The following KCNH1 variants were observed in gnomAD, a reference collection of about 807,000 sequenced individuals.
KCNH1 encodes voltage-gated delayed rectifier potassium channel KCNH1.
A neutral mutation model predicts 69.2 loss-of-function variants in KCNH1; 27 were observed. That is an observed-to-expected ratio of 0.39 (90% CI 0.29 to 0.54). The LOEUF (loss-of-function observed/expected upper bound fraction) is 0.54. Ranked by LOEUF, KCNH1 falls within the 20% of genes least tolerant of loss-of-function variation. KCNH1 has a pLI of 0.68. For synonymous variants in KCNH1, 456 were observed against 487.7 expected, an observed-to-expected ratio of 0.93 and a Z score of 0.86; for missense variants, 798 against 1,261.6, an observed-to-expected ratio of 0.63 and a Z score of 5.57.
chr1:211,067,733 T>C (rs894778860), intron 5 of KCNH1, among the ~76,000 whole-genome samples: 1 of 152,182 alleles, frequency 6.6e-6, no homozygotes, highest in Non-Finnish European at 1.5e-5. Context: ...CGCCCTCATA[T>C]AAGCAGTAGC....
chr1:211,008,628 C>T (rs774182531), intron 6 of KCNH1, among the ~76,000 whole-genome samples: 24 of 152,202 alleles, frequency 1.6e-4, no homozygotes, highest in Non-Finnish European at 2.2e-4. Flanking sequence ...TAATCTATGG[C>T]GATAGAAGTC....
At chr1:210,840,523 A>G (rs1458343545) in intron 7 of KCNH1, among the ~76,000 whole-genome samples, 1 of 152,206 alleles carries the variant, frequency 6.6e-6, no homozygotes, top group African/African-American at 2.4e-5. Context: ...ACCTGTGTGA[A>G]CAGTGTCAAG....
chr1:210,844,550 C>G (rs541437744), intron 7 of KCNH1, among the ~76,000 whole-genome samples: 1 of 152,102 alleles, frequency 6.6e-6, no homozygotes, highest in Non-Finnish European at 1.5e-5. Context: ...ACACAACATA[C>G]CAGAATCTCT....
intron 8 of KCNH1, among the ~76,000 whole-genome samples, chr1:210,799,279 C>T (rs991667495): frequency 2.0e-4 from 31 of 152,092 alleles, no homozygotes; most frequent in South Asian, 2.1e-4. Flanking sequence ...ATAAATAACT[C>T]GCCAAAAATT....
chr1:211,092,330 C>T (rs1434283720), intron 3 of KCNH1, among the ~76,000 whole-genome samples: 2 of 152,168 alleles, frequency 1.3e-5, no homozygotes, highest in East Asian at 3.9e-4. Flanking sequence ...TTGACAACAG[C>T]TACTTTACAG....
At chr1:210,727,628 A>G (rs1158248786) in intron 10 of KCNH1, among the ~76,000 whole-genome samples, 3 of 144,802 alleles carry the variant, frequency 2.1e-5, no homozygotes, top group South Asian at 2.1e-4. Flanking sequence ...TAGATACACA[A>G]AAGATTACCC....
At chr1:210,815,489 G>A (rs184083743) in intron 7 of KCNH1, among the ~76,000 whole-genome samples, 67 of 152,176 alleles carry the variant, frequency 4.4e-4, no homozygotes, top group African/African-American at 1.5e-3. Flanking sequence ...CAGCGGAACC[G>A]AGTAGCCCCA....
intron 6 of KCNH1, among the ~76,000 whole-genome samples, chr1:210,923,380 T>C (rs1030660166): frequency 2.6e-5 from 4 of 152,190 alleles, no homozygotes; most frequent in Admixed American, 6.5e-5. Context: ...CAGTCATTCA[T>C]AGAGATAAAC....
chr1:210,738,552 C>CTTTTTTTTTTTTTTTT (rs57669878), intron 10 of KCNH1, among the ~76,000 whole-genome samples: 1 of 49,152 alleles, frequency 2.0e-5, no homozygotes, highest in East Asian at 6.2e-4. Flanking sequence ...GGCTTTTTTG[C>CTTTTTTTTTTTTTTTT]TTTTTTTTTT....
At chr1:210,936,692 C>T (rs1008172201) in intron 6 of KCNH1, among the ~76,000 whole-genome samples, 2 of 152,196 alleles carry the variant, frequency 1.3e-5, no homozygotes, top group Non-Finnish European at 2.9e-5. Flanking sequence ...TTTATCCTGG[C>T]TTCCCAGCCA....
intron 6 of KCNH1, among the ~76,000 whole-genome samples, chr1:210,982,910 T>G (rs1688742672): frequency 6.6e-6 from 1 of 152,200 alleles, no homozygotes. Flanking sequence ...TTCCTATTTC[T>G]CCACATCCTC....
intron 6 of KCNH1, among the ~76,000 whole-genome samples, chr1:210,996,850 C>A (rs553673997): frequency 6.6e-6 from 1 of 152,146 alleles, no homozygotes; most frequent in Non-Finnish European, 1.5e-5. Context: ...CTATAGCCAC[C>A]GCTGTTCTAC....
rs374033908 is a variant in KCNH1, at chr1:210,932,964, A to C, written c.1033-12895T>G. Among the ~76,000 whole-genome samples the C allele has an allele frequency of 1.6e-4, 24 of 152,306 alleles. 1 individual carries two copies. The South Asian group carries it at 4.8e-3, about 30-fold the overall frequency. On this transcript the variant is annotated intron_variant, in intron 6 of 10. Transcript: ENST00000271751. ...TTATATTTAATTTTAGATCACTTAG[A>C]CAGAAAATCAACAAAGAAACATCAG...
intron 7 of KCNH1, among the ~76,000 whole-genome samples, chr1:210,899,778 G>A (rs1232852364): frequency 6.6e-6 from 1 of 152,182 alleles, no homozygotes; most frequent in Non-Finnish European, 1.5e-5. Flanking sequence ...TGAGGAGAAT[G>A]AGCCTCAGAG....
At chr1:210,929,358 C>T (rs1028748108) in intron 6 of KCNH1, among the ~76,000 whole-genome samples, 1 of 152,110 alleles carries the variant, frequency 6.6e-6, no homozygotes, top group African/African-American at 2.4e-5. Context: ...ACCAGGGATG[C>T]AGGGATGGTT....
intron 7 of KCNH1, among the ~76,000 whole-genome samples, chr1:210,850,522 A>G (rs1035280725): frequency 1.3e-5 from 2 of 152,148 alleles, no homozygotes; most frequent in Admixed American, 6.5e-5. Flanking sequence ...AAAAGAAAAA[A>G]TGTTTTTTAA....
chr1:211,112,497 T>TAAAAA (rs1691490955), intron 1 of KCNH1, among the ~76,000 whole-genome samples: 1 of 88,716 alleles, frequency 1.1e-5, no homozygotes, highest in Admixed American at 1.2e-4. Context: ...TTTTATTAAA[T>TAAAAA]AAATAAAAAA....
chr1:210,785,579 G>A (rs996946535), intron 9 of KCNH1, among the ~76,000 whole-genome samples: 3 of 151,990 alleles, frequency 2.0e-5, no homozygotes, highest in Non-Finnish European at 2.9e-5. Flanking sequence ...GAGACGGGGT[G>A]TTTCACTGTG....
At chr1:210,989,649 G>A (rs529599027) in intron 6 of KCNH1, among the ~76,000 whole-genome samples, 12 of 152,252 alleles carry the variant, frequency 7.9e-5, no homozygotes, top group Admixed American at 6.5e-4. Context: ...GTTATAATTT[G>A]GAGTATCTTG....
Sources: allele counts gnomAD v4.1 joint callset (sites outside exome capture counted in the v4.1 genomes callset), GRCh38; gene constraint gnomAD v4.1.1; transcripts MANE v1.5; gene names NCBI Gene and HGNC (gene_info 2026-07-23, HGNC 2026-07-21).